STYXL2: variants seen among roughly 807,000 people sequenced by gnomAD.
STYXL2 encodes the protein serine/threonine/tyrosine-interacting-like protein 2.
Under a neutral mutation model 52.4 loss-of-function variants are expected in STYXL2, and 44 were observed. That is an observed-to-expected ratio of 0.84 (90% CI 0.66 to 1.08). The LOEUF (loss-of-function observed/expected upper bound fraction) is 1.08, where lower values mean the gene tolerates loss of function less well. STYXL2 is among the 50% of genes least tolerant of loss of function. STYXL2 has a pLI of 0.00. For synonymous variants in STYXL2, 604 were observed against 586.9 expected, an observed-to-expected ratio of 1.03 and a Z score of -0.42; for missense variants, 1,604 against 1,471.7, an observed-to-expected ratio of 1.09 and a Z score of -1.47.
chr1:167,111,853 C>T lies in STYXL2; in HGVS notation c.111-1857C>T, dbSNP rs542018189. Among the ~76,000 whole-genome samples the T allele has an allele frequency of 3.9e-5, 6 of 152,080 alleles. No individual in the cohort carries two copies. In the South Asian group the frequency reaches 1.2e-3, roughly 32 times the overall value. The stretch of plus-strand genomic sequence containing the variant: ...CAGAAATCACCACTAAAGAACATGT[C>T]CATGTAACCAAACCTGTTCCCCAAA... On this transcript the variant is annotated intron_variant, in intron 2 of 5. Coordinates refer to ENST00000361200, the MANE Select transcript of STYXL2 (RefSeq NM_001080426.3).
At chr1:167,105,876 G>A (rs553826071) in intron 2 of STYXL2, among the ~76,000 whole-genome samples, 5 of 152,270 alleles carry the variant, frequency 3.3e-5, no homozygotes, top group Admixed American at 2.0e-4. Context: ...CAGAAACATC[G>A]TGGGGCTGAG....
At chr1:167,112,112 C>T (rs943477385) in intron 2 of STYXL2, among the ~76,000 whole-genome samples, 8 of 152,166 alleles carry the variant, frequency 5.3e-5, no homozygotes, top group African/African-American at 9.7e-5. Flanking sequence ...CACCCCACTC[C>T]GCAGTCATAC....
rs892153799 is a variant in STYXL2 at position 167,126,327 on chromosome 1, G to GT, written c.1196_1197insT (p.Asn400LysfsTer89). 1.3e-6 allele frequency: 2 copies of GT among 1,519,936 alleles called. No homozygotes were observed. Among genetic ancestry groups the GT allele is most frequent in the African/African-American group, 2.8e-5 (2 of 72,402 alleles). The allele number at this position is 1,519,936 out of a possible 1,614,324, so 94.2% of individuals were successfully genotyped here. On this transcript the variant is annotated frameshift_variant, in exon 6 of 6. Transcript: ENST00000361200. LOFTEE classifies it low-confidence loss of function (END_TRUNC). Reference sequence around the variant, plus strand: ...AGGATCATCCAGGAGTGGCAGAGCCGAAACGAGAGGTACCAAGCAGAAGGG... The same window carrying GT: ...AGGATCATCCAGGAGTGGCAGAGCCGTAAACGAGAGGTACCAAGCAGAAGGG...
Position 167,115,339 on chromosome 1 carries a change from C to T in STYXL2, c.205+1535C>T, listed in dbSNP as rs557363585. Among the ~76,000 whole-genome samples the T allele has an allele frequency of 5.9e-5, 9 of 152,178 alleles. No homozygotes were observed. In the South Asian group the frequency reaches 1.2e-3, roughly 21 times the overall value. On this transcript the variant is annotated intron_variant, in intron 3 of 5. Coordinates refer to ENST00000361200, the MANE Select transcript of STYXL2 (RefSeq NM_001080426.3). Reference sequence around the variant, plus strand: ...TGAAAGTCTGCATATGCCACACATCCGAGAGTGTAGGGGAGAAATGTGTGG... The same window carrying T: ...TGAAAGTCTGCATATGCCACACATCTGAGAGTGTAGGGGAGAAATGTGTGG...
intron 5 of STYXL2, among the ~76,000 whole-genome samples, chr1:167,123,975 T>C (rs1172530722): frequency 6.6e-6 from 1 of 152,032 alleles, no homozygotes; most frequent in Non-Finnish European, 1.5e-5. Context: ...TGGAATGCAA[T>C]GGGACAATCA....
intron 2 of STYXL2, among the ~76,000 whole-genome samples, chr1:167,109,250 C>T (rs557330446): frequency 3.3e-4 from 51 of 152,336 alleles, no homozygotes; most frequent in Middle Eastern, 3.4e-3. Flanking sequence ...GGCCTGAAAG[C>T]TCTGCTTGCT....
intron 2 of STYXL2, among the ~76,000 whole-genome samples, chr1:167,095,584 A>C (rs1167895463): frequency 6.6e-6 from 1 of 152,168 alleles, no homozygotes; most frequent in African/African-American, 2.4e-5. Flanking sequence ...TATCATGTAG[A>C]ATGAAAAAAA....
intron 2 of STYXL2, among the ~76,000 whole-genome samples, chr1:167,098,340 G>T (rs928142953): frequency 3.3e-5 from 5 of 151,894 alleles, no homozygotes; most frequent in African/African-American, 1.2e-4. Context: ...GCCAGGCAAG[G>T]TTTCACATGC....
chr1:167,101,781 A>G (rs951047713), intron 2 of STYXL2, among the ~76,000 whole-genome samples: 4 of 150,480 alleles, frequency 2.7e-5, no homozygotes, highest in African/African-American at 9.9e-5. Context: ...AGCCTAGGCA[A>G]CAGAGTGACA....
At position 167,126,201 on chromosome 1, in the gene STYXL2, G is replaced by A. The variant is rs758757651; in HGVS notation, c.1070G>A (p.Gly357Glu). 1.1e-4 allele frequency: 161 copies of A among 1,533,124 alleles called. No homozygotes were observed. Among genetic ancestry groups the A allele is most frequent in the Middle Eastern group, 1.7e-4 (1 of 5,728 alleles). The allele number at this position is 1,533,124 out of a possible 1,614,324, so 95.0% of individuals were successfully genotyped here. A position where few individuals can be genotyped will look rare whatever the true frequency, so the allele number is the denominator to read the frequency against. ...AAACTGTACGAGCAGTGGAAGAAGG[G>A]GCAGGGCCTCCTCTCAGACAAGGTC... The part of the protein sequence containing the change: ...EEKLYEQWKK[G>E]QGLLSDKVPQ... The change falls in exon 6 of 6, where the codon GGG (glycine) becomes GAG (glutamate). Residue 357 changes from glycine (G) to glutamate (E), a missense_variant. Gly to Glu is a moderately conservative substitution (Grantham distance 98). Transcript: ENST00000361200.
Position 167,127,575 on chromosome 1 carries a change from A to T in STYXL2, c.2444A>T (p.Lys815Ile). 6.2e-7 allele frequency: 1 copy of T among 1,614,124 alleles called. No homozygotes were observed. The highest frequency in any genetic ancestry group is 1.7e-5 in the Admixed American group (1 of 60,006). ...TCACCCGCGGAAAGTTGCAGAAGCA[A>T]AGTGAGGGGGACCAGCAAGCCCATC... ...LSSPAESCRSKVRGTSKPIFS... is the reference protein window; with the variant it reads ...LSSPAESCRSIVRGTSKPIFS... Residue 815 changes from lysine (K) to isoleucine (I), a missense_variant, in exon 6 of 6, where the codon AAA (lysine) becomes ATA (isoleucine). By Grantham distance (102) the Lys-to-Ile change is moderately radical (BLOSUM62 -3). Transcript: ENST00000361200.
chr1:167,101,151 A>T (rs1030919780), intron 2 of STYXL2, among the ~76,000 whole-genome samples: 1 of 152,256 alleles, frequency 6.6e-6, no homozygotes, highest in Admixed American at 6.5e-5. Context: ...CAACTCAATT[A>T]AAAAGCGGAC....
Position 167,125,867 on chromosome 1 carries a change from A to G in STYXL2, c.736A>G (p.Met246Val). ...VVAYLMIFHN[M>V]AILEALMTVR... The stretch of plus-strand genomic sequence containing the variant: ...CGCCTACCTGATGATCTTCCACAAC[A>G]TGGCCATCCTGGAGGCTTTGATGAC... Residue 246 changes from methionine to valine, a missense_variant, in exon 6 of 6, where the codon ATG becomes GTG. By Grantham distance (21) the Met-to-Val change is conservative. Coordinates refer to ENST00000361200, the MANE Select transcript of STYXL2 (RefSeq NM_001080426.3). 6.2e-7 allele frequency: 1 copy of G among 1,614,066 alleles called. No homozygotes were observed. Among genetic ancestry groups the G allele is most frequent in the Non-Finnish European group, 8.5e-7 (1 of 1,179,982 alleles).
intron 2 of STYXL2, among the ~76,000 whole-genome samples, chr1:167,106,903 T>A (rs944213499): frequency 2.0e-5 from 3 of 152,268 alleles, no homozygotes; most frequent in African/African-American, 7.2e-5. Context: ...GCCCTTGGAA[T>A]AGCACTATTC....
intron 2 of STYXL2, among the ~76,000 whole-genome samples, chr1:167,100,874 T>TA (rs1336819529): frequency 6.6e-6 from 1 of 152,236 alleles, no homozygotes; most frequent in Non-Finnish European, 1.5e-5. Context: ...CTTCATAGGC[T>TA]ATCTCTTCCC....
chr1:167,096,654 C>G lies in STYXL2; in HGVS notation c.110+1695C>G, dbSNP rs1181218567. 2.0e-5 allele frequency among the ~76,000 whole-genome samples: 3 copies of G among 152,248 alleles called. No homozygotes were observed. In the East Asian group the frequency reaches 5.8e-4, roughly 29 times the overall value. ...TGTGAAAATGGTCACTTCATTTTCA[C>G]TCATATTCTATCGTCTAGAACTCAG... On this transcript the variant is annotated intron_variant, in intron 2 of 5. Transcript: ENST00000361200.
intron 5 of STYXL2, among the ~76,000 whole-genome samples, chr1:167,122,080 A>G (rs1667868449): frequency 6.6e-6 from 1 of 152,078 alleles, no homozygotes; most frequent in Non-Finnish European, 1.5e-5. Flanking sequence ...GGGTGTTGTT[A>G]TTTACATTGT....
chr1:167,096,779 TG>T (rs1485455931), intron 2 of STYXL2, among the ~76,000 whole-genome samples: 1 of 152,198 alleles, frequency 6.6e-6, no homozygotes, highest in Non-Finnish European at 1.5e-5. Context: ...TCAGCCACAA[TG>T]TACTCCTCTA....
At chr1:167,114,700 C>T (rs1667689274) in intron 3 of STYXL2, among the ~76,000 whole-genome samples, 1 of 152,206 alleles carries the variant, frequency 6.6e-6, no homozygotes, top group Non-Finnish European at 1.5e-5. Context: ...TGCTGTTGCT[C>T]ACTGTTCTGG....
Sources: gnomAD v4.1 joint callset for allele counts (sites outside exome capture counted in the v4.1 genomes callset) on GRCh38, gnomAD v4.1.1 for gene constraint, MANE v1.5 for transcripts, NCBI Gene and HGNC (gene_info 2026-07-23, HGNC 2026-07-21) for gene names.